DYNC2I1: variants seen among roughly 807,000 people sequenced by gnomAD.
DYNC2I1 encodes the protein dynein 2 intermediate chain 1, also known as cytoplasmic dynein 2 intermediate chain 1.
A neutral mutation model predicts 133.4 loss-of-function variants in DYNC2I1; 89 were observed. The ratio of observed to expected loss-of-function variants is 0.67; its 90% confidence interval spans 0.56 to 0.80. The LOEUF (loss-of-function observed/expected upper bound fraction) is 0.80, where lower values mean the gene tolerates loss of function less well. DYNC2I1 is among the 30% of genes least tolerant of loss of function. The pLI is 0.00. For missense variants in DYNC2I1, 1,291 were observed against 1,314.5 expected, an observed-to-expected ratio of 0.98 and a Z score of 0.28; for synonymous variants, 504 against 484.3, an observed-to-expected ratio of 1.04 and a Z score of -0.54.
chr7:158,857,916 G>T (rs369440413), intron 1 of DYNC2I1, among the ~76,000 whole-genome samples: 147 of 151,102 alleles, frequency 9.7e-4, no homozygotes, highest in African/African-American at 3.4e-3. Flanking sequence ...TCAGCCTCCC[G>T]AGTAGCTGGG....
intron 4 of DYNC2I1, among the ~76,000 whole-genome samples, chr7:158,877,206 G>A (rs1843439705): frequency 6.6e-6 from 1 of 150,808 alleles, no homozygotes; most frequent in Non-Finnish European, 1.5e-5. Context: ...CGCGGTGCGG[G>A]TGTGTTGGTG....
rs547672318 is a variant in DYNC2I1 at position 158,914,521 on chromosome 7, T to C, written c.1791+200T>C. 1.1e-4 allele frequency among the ~76,000 whole-genome samples: 16 copies of C among 152,350 alleles called. No homozygotes were observed. In the East Asian group the frequency reaches 3.1e-3, roughly 29 times the overall value. On this transcript the variant is annotated intron_variant, in intron 14 of 24. Transcript: ENST00000407559. The stretch of plus-strand genomic sequence containing the variant: ...CCCTTGTGGGCAGAATGACCCTGGG[T>C]AAATGTATATCACTGAAGTACTATG...
At chr7:158,882,873 C>CT (rs769479296) in intron 5 of DYNC2I1, among the ~76,000 whole-genome samples, 10,990 of 124,842 alleles carry the variant, frequency 0.088, 547 homozygotes, top group Non-Finnish European at 0.12. Flanking sequence ...GAGCCTTTGT[C>CT]TCAAAAAAAA....
intron 1 of DYNC2I1, among the ~76,000 whole-genome samples, chr7:158,863,990 C>T (rs1369392680): frequency 9.2e-6 from 1 of 108,628 alleles, no homozygotes; most frequent in Non-Finnish European, 1.8e-5. Flanking sequence ...GCAGGACGTC[C>T]TTAGCTGCGG....
intron 23 of DYNC2I1, among the ~76,000 whole-genome samples, chr7:158,940,969 GAAAT>G (rs1354982153): frequency 6.6e-6 from 1 of 152,058 alleles, no homozygotes; most frequent in Non-Finnish European, 1.5e-5. Flanking sequence ...TGGAAGGAAA[GAAAT>G]AGTAAAGTTC....
chr7:158,847,614 G>T, the DYNC2I1 span, among the ~76,000 whole-genome samples: 1 of 152,124 alleles, frequency 6.6e-6, no homozygotes, highest in Non-Finnish European at 1.5e-5. Context: ...ATGCATAAGG[G>T]AAATTTAAAA....
chr7:158,899,794 C>T lies in DYNC2I1; in HGVS notation c.1060-1945C>T, dbSNP rs1449492816. Reference sequence around the variant, plus strand: ...TTGCCTCCTGCCATGATTCTGAGGCCTCCCCAGCCATGTGGAACTGTAAGT... The same window carrying T: ...TTGCCTCCTGCCATGATTCTGAGGCTTCCCCAGCCATGTGGAACTGTAAGT... On this transcript the variant is annotated intron_variant, in intron 8 of 24. Transcript: ENST00000407559. Among the ~76,000 whole-genome samples, 3 of 152,168 alleles carry T rather than the reference C, an allele frequency of 2.0e-5. 1 individual carries two copies. The East Asian group carries it at 5.8e-4, about 29-fold the overall frequency.
In DYNC2I1 at chr7:158,866,723, A is replaced by G. The variant is rs541276390; in HGVS notation, c.16-3132A>G. Among the ~76,000 whole-genome samples the G allele has an allele frequency of 2.0e-5, 3 of 151,218 alleles. No homozygotes were observed. The South Asian group carries it at 6.3e-4, about 32-fold the overall frequency. ...AACATGGGGTAACCCCATCTCTACT[A>G]AAATTACGAAACTTAGCCGGGCGTG... On this transcript the variant is annotated intron_variant, in intron 1 of 24. Transcript: ENST00000407559.
At chr7:158,907,063 C>T (rs1282697092) in intron 11 of DYNC2I1, among the ~76,000 whole-genome samples, 4 of 151,930 alleles carry the variant, frequency 2.6e-5, no homozygotes, top group South Asian at 2.1e-4. Context: ...CGCACTGAGC[C>T]GTGACTGCAC....
In DYNC2I1 at chr7:158,934,159, C is replaced by T. The variant is rs746639525; in HGVS notation, c.2577C>T (p.Gly859=). Residue 859 remains glycine, a synonymous_variant, in exon 22 of 25, where the codon GGC becomes GGT. Transcript: ENST00000407559. ...SLSHKGNEFW[G]TTQTLNVKFL... is the part of the protein sequence containing the mutation. ...CCCATAAAGGTAATGAATTTTGGGGCACTACACAAACACTGAATGTTAAAT... is the reference window on the plus strand; with the variant it reads ...CCCATAAAGGTAATGAATTTTGGGGTACTACACAAACACTGAATGTTAAAT... 6.2e-7 allele frequency: 1 copy of T among 1,612,270 alleles called. No homozygotes were observed. Among genetic ancestry groups the T allele is most frequent in the Non-Finnish European group, 8.5e-7 (1 of 1,179,476 alleles).
chr7:158,900,279 G>A (rs1430097108), intron 8 of DYNC2I1, among the ~76,000 whole-genome samples: 2 of 151,732 alleles, frequency 1.3e-5, no homozygotes, highest in Non-Finnish European at 2.9e-5. Context: ...GTGCCACCAC[G>A]CCCAGCTAAT....
Position 158,886,398 on chromosome 7 carries a change from T to C in DYNC2I1, c.936-623T>C, listed in dbSNP as rs59152700. ...GTCTGCCCACCTTGGCCTCCCAAAG[T>C]GCTGGGATTACAGGTGTGAGCCACT... On this transcript the variant is annotated intron_variant, in intron 6 of 24. Coordinates refer to ENST00000407559, the MANE Select transcript of DYNC2I1 (RefSeq NM_018051.5). 9.3e-3 allele frequency among the ~76,000 whole-genome samples: 1,410 copies of C among 152,200 alleles called. 10 individuals carry two copies. Among genetic ancestry groups the C allele is most frequent in the African/African-American group, 0.031 (1,282 of 41,512 alleles).
At chr7:158,840,239 C>T in the DYNC2I1 span, among the ~76,000 whole-genome samples, 1 of 151,466 alleles carries the variant, frequency 6.6e-6, no homozygotes, top group South Asian at 2.1e-4. Context: ...CAAAGTGAGA[C>T]ATTGTCTACA....
chr7:158,893,644 A>G (rs1845450182), intron 8 of DYNC2I1, among the ~76,000 whole-genome samples: 1 of 152,042 alleles, frequency 6.6e-6, no homozygotes, highest in African/African-American at 2.4e-5. Flanking sequence ...TGTACCACAT[A>G]TCGTACTGCA....
chr7:158,922,282 A>C (rs1849176921), intron 15 of DYNC2I1, 95 bp from the exon 16 acceptor site: 1 of 1,295,004 alleles, frequency 7.7e-7, no homozygotes, highest in Non-Finnish European at 1.1e-6. Context: ...TTTCTTCATG[A>C]AGCTGAATTT....
intron 15 of DYNC2I1, among the ~76,000 whole-genome samples, chr7:158,920,470 A>G (rs1259016987): frequency 1.4e-4 from 18 of 128,462 alleles, no homozygotes; most frequent in African/African-American, 2.4e-4. Context: ...CTGCAGCGCC[A>G]GGCCTCCATC....
At chr7:158,934,639 G>A in intron 23 of DYNC2I1, 90 bp downstream of exon 23, 1 of 1,369,298 alleles carries the variant, frequency 7.3e-7, no homozygotes, top group South Asian at 1.4e-5. Context: ...GGAGTGCAGT[G>A]ATGTGGTCAT....
At chr7:158,951,504 C>T (rs890313991) in intron 4 of DYNC2I1, among the ~76,000 whole-genome samples, 2 of 152,338 alleles carry the variant, frequency 1.3e-5, no homozygotes, top group South Asian at 4.1e-4. Flanking sequence ...AGGCCCAGGG[C>T]CACAAGGAGA....
rs373213125 is a variant in DYNC2I1, at chr7:158,916,761, C to G, written c.1792-1979C>G. On this transcript the variant is annotated intron_variant, in intron 14 of 24. Transcript: ENST00000407559. ...TGTGAAACGTCTACACGCTGGTTGA[C>G]ATTAAGGATGATTGTGAAACGTCGA... is the stretch of plus-strand genomic sequence containing the variant. Among the ~76,000 whole-genome samples the G allele has an allele frequency of 1.9e-4, 8 of 42,592 alleles. 1 individual carries two copies. The highest frequency in any genetic ancestry group is 2.4e-4 in the Non-Finnish European group (5 of 20,646). 27.9% of individuals were successfully genotyped at this position (42,592 alleles called of 152,430 possible). A position where few individuals can be genotyped will look rare whatever the true frequency, so the allele number is the denominator to read the frequency against.
Sources: allele counts gnomAD v4.1 joint callset (sites outside exome capture counted in the v4.1 genomes callset), GRCh38; gene constraint gnomAD v4.1.1; transcripts MANE v1.5; gene names NCBI Gene and HGNC (gene_info 2026-07-23, HGNC 2026-07-21).